PTPRT: variants seen among roughly 807,000 people sequenced by gnomAD.
The protein encoded by PTPRT is receptor-type tyrosine-protein phosphatase T.
A neutral mutation model predicts 176.8 loss-of-function variants in PTPRT; 56 were observed. The ratio of observed to expected loss-of-function variants is 0.32; its 90% confidence interval spans 0.26 to 0.40. The LOEUF is 0.40. Among genes scored for constraint, PTPRT ranks in the 10% least tolerant of loss-of-function variants. PTPRT has a pLI of 1.00. For synonymous variants in PTPRT, 783 were observed against 739.0 expected (o/e 1.06, Z -0.96); for missense variants, 1,540 against 1,908.2 (o/e 0.81, Z 3.60).
intron 16 of PTPRT, among the ~76,000 whole-genome samples, chr20:42,188,672 T>C (rs551807282): frequency 6.6e-6 from 1 of 152,304 alleles, no homozygotes; most frequent in African/African-American, 2.4e-5. Flanking sequence ...CTAGCAACTA[T>C]ATATTTACAT....
At chr20:43,124,535 C>T (rs1276677354) in intron 1 of PTPRT, among the ~76,000 whole-genome samples, 1 of 152,184 alleles carries the variant, frequency 6.6e-6, no homozygotes, top group Non-Finnish European at 1.5e-5. Context: ...TGAGACTAGA[C>T]TTAATGAGTA....
At chr20:42,916,893 T>A (rs183044108) in intron 1 of PTPRT, among the ~76,000 whole-genome samples, 3 of 152,348 alleles carry the variant, frequency 2.0e-5, no homozygotes, top group African/African-American at 7.2e-5. Flanking sequence ...TGCAAAAATT[T>A]TCTGCCATTC....
chr20:42,200,341 T>G (rs1991399167), intron 15 of PTPRT, among the ~76,000 whole-genome samples: 1 of 152,246 alleles, frequency 6.6e-6, no homozygotes, highest in Non-Finnish European at 1.5e-5. Flanking sequence ...GAGGATTAAA[T>G]GAGACAATGC....
At chr20:42,278,042 C>G (rs2057072848) in intron 13 of PTPRT, among the ~76,000 whole-genome samples, 1 of 124,798 alleles carries the variant, frequency 8.0e-6, no homozygotes, top group Non-Finnish European at 1.6e-5. Context: ...TAGAGTCTAG[C>G]AGGGAGATAG....
At chr20:42,164,019 G>A (rs534851882) in intron 16 of PTPRT, among the ~76,000 whole-genome samples, 14 of 152,370 alleles carry the variant, frequency 9.2e-5, no homozygotes, top group South Asian at 4.1e-4. Flanking sequence ...ATGGTACAAA[G>A]CTATGGCAAG....
intron 11 of PTPRT, among the ~76,000 whole-genome samples, chr20:42,334,900 A>G (rs904368619): frequency 2.6e-5 from 4 of 152,218 alleles, no homozygotes; most frequent in African/African-American, 9.7e-5. Context: ...AATGTACTCC[A>G]TTTACCTCTT....
intron 5 of PTPRT, among the ~76,000 whole-genome samples, chr20:42,761,163 G>A (rs772623050): frequency 2.0e-5 from 3 of 152,132 alleles, no homozygotes; most frequent in African/African-American, 2.4e-5. Flanking sequence ...GGCCAGGCAC[G>A]GTGGCTGACG....
intron 19 of PTPRT, among the ~76,000 whole-genome samples, chr20:42,126,316 G>T (rs1418615863): frequency 6.6e-6 from 1 of 152,156 alleles, no homozygotes; most frequent in Non-Finnish European, 1.5e-5. Flanking sequence ...AGACAGCAGG[G>T]TATGGTGGGA....
chr20:42,217,384 C>CAT (rs2055799769), intron 15 of PTPRT, among the ~76,000 whole-genome samples: 1 of 113,946 alleles, frequency 8.8e-6, no homozygotes, highest in African/African-American at 4.0e-5. Flanking sequence ...CATACACACA[C>CAT]ACACACACAC....
intron 8 of PTPRT, among the ~76,000 whole-genome samples, chr20:42,470,927 G>A (rs1018625076): frequency 1.3e-5 from 2 of 151,848 alleles, no homozygotes; most frequent in African/African-American, 2.4e-5. Flanking sequence ...GGGTATGGAG[G>A]TGGGGTGGGT....
rs869193461 is a variant in PTPRT, at chr20:42,569,047, C to CAA, written c.1154-96487_1154-96486dup. On this transcript the variant is annotated intron_variant, in intron 7 of 30. Transcript: ENST00000373187. ...TGGGCGACAGAGCAAGACTCCATCT[C>CAA]AAAAAAAAAAAAAAAAAAAAAAAAA... 5.4e-4 allele frequency among the ~76,000 whole-genome samples: 11 copies of CAA among 20,450 alleles called. 1 individual carries two copies. The highest frequency in any genetic ancestry group is 8.5e-4 in the Non-Finnish European group (10 of 11,742). 13.4% of individuals were successfully genotyped at this position (20,450 alleles called of 152,430 possible). A position where few individuals can be genotyped will look rare whatever the true frequency, so the allele number is the denominator to read the frequency against.
chr20:42,975,943 G>A (rs1159686308), intron 1 of PTPRT, among the ~76,000 whole-genome samples: 1 of 150,506 alleles, frequency 6.6e-6, no homozygotes, highest in Non-Finnish European at 1.5e-5. Flanking sequence ...AAAAAAGAGA[G>A]AACATCTTAG....
intron 13 of PTPRT, among the ~76,000 whole-genome samples, chr20:42,262,798 G>T (rs1182563097): frequency 6.6e-6 from 1 of 151,084 alleles, no homozygotes; most frequent in Non-Finnish European, 1.5e-5. Flanking sequence ...AACAAAACAT[G>T]CTTATACCTT....
intron 2 of PTPRT, among the ~76,000 whole-genome samples, chr20:42,824,975 T>C (rs1157915661): frequency 6.6e-6 from 1 of 152,064 alleles, no homozygotes; most frequent in Admixed American, 6.6e-5. Context: ...ACATAAAATA[T>C]ATTTGGCTAT....
At chr20:43,185,679 A>G (rs780601891) in intron 1 of PTPRT, among the ~76,000 whole-genome samples, 20 of 152,198 alleles carry the variant, frequency 1.3e-4, no homozygotes, top group Non-Finnish European at 2.1e-4. Flanking sequence ...CACACCTGCA[A>G]TCCCAGCACT....
intron 6 of PTPRT, among the ~76,000 whole-genome samples, chr20:42,696,123 C>T (rs565177099): frequency 4.6e-5 from 7 of 152,100 alleles, no homozygotes; most frequent in African/African-American, 1.4e-4. Context: ...TCCCTTTCCC[C>T]TTTTCCTCTG....
intron 13 of PTPRT, among the ~76,000 whole-genome samples, chr20:42,254,698 A>G (rs544357719): frequency 3.9e-5 from 6 of 152,320 alleles, no homozygotes; most frequent in Non-Finnish European, 7.4e-5. Flanking sequence ...GCTAAAGCCC[A>G]GACCCTTTCA....
At chr20:42,826,521 G>A (rs1189630297) in intron 2 of PTPRT, among the ~76,000 whole-genome samples, 1 of 152,204 alleles carries the variant, frequency 6.6e-6, no homozygotes, top group Non-Finnish European at 1.5e-5. Context: ...AACAAACAGG[G>A]AGGGGAAAAG....
intron 7 of PTPRT, among the ~76,000 whole-genome samples, chr20:42,561,491 A>G (rs2072950842): frequency 6.6e-6 from 1 of 152,234 alleles, no homozygotes; most frequent in Non-Finnish European, 1.5e-5. Flanking sequence ...AAAAACTGGC[A>G]TAAATGATCC....
Sources: allele counts gnomAD v4.1 joint callset (sites outside exome capture counted in the v4.1 genomes callset), GRCh38; gene constraint gnomAD v4.1.1; transcripts MANE v1.5; gene names NCBI Gene and HGNC (gene_info 2026-07-23, HGNC 2026-07-21).